PRRG4: variants seen among roughly 807,000 people sequenced by gnomAD.
The protein encoded by PRRG4 is proline rich and Gla domain 4.
Under a neutral mutation model 20.0 loss-of-function variants are expected in PRRG4, and 12 were observed. The ratio of observed to expected loss-of-function variants is 0.60; its 90% CI spans 0.38 to 0.97. PRRG4 has a LOEUF of 0.97. PRRG4 is among the 50% of genes least tolerant of loss of function. PRRG4 has a pLI of 0.00. For missense variants in PRRG4, 199 were observed against 265.1 expected, an observed-to-expected ratio of 0.75 and a Z score of 1.73; for synonymous variants, 94 against 96.4, an observed-to-expected ratio of 0.98 and a Z score of 0.15.
chr11:32,830,289 C>G, intron 1 of PRRG4, 116 bp downstream of exon 1: 1 of 868,272 alleles, frequency 1.2e-6, no homozygotes, highest in Non-Finnish European at 1.5e-6. Flanking sequence ...GACAGGTGCC[C>G]GATCAGCCCT....
intron 5 of PRRG4, among the ~76,000 whole-genome samples, chr11:32,848,697 G>A (rs1851152477): frequency 6.6e-6 from 1 of 151,854 alleles, no homozygotes. Context: ...TTTGGCCAGG[G>A]GTGGTGGCTC....
chr11:32,850,253 CA>C (rs1436603537), intron 5 of PRRG4, among the ~76,000 whole-genome samples: 1 of 152,148 alleles, frequency 6.6e-6, no homozygotes, highest in African/African-American at 2.4e-5. Context: ...CTTCATTTTC[CA>C]ACTTTTCTGC....
chr11:32,846,525 A>G (rs1474966575), intron 5 of PRRG4, among the ~76,000 whole-genome samples: 3 of 152,222 alleles, frequency 2.0e-5, no homozygotes, highest in Non-Finnish European at 4.4e-5. Flanking sequence ...TAAAACAAGC[A>G]TAGTGTCTGC....
intron 3 of PRRG4, among the ~76,000 whole-genome samples, chr11:32,838,614 G>C (rs1851046256): frequency 6.6e-6 from 1 of 152,120 alleles, no homozygotes; most frequent in Non-Finnish European, 1.5e-5. Flanking sequence ...CTTTAGTGGG[G>C]GCTCCAGTCA....
chr11:32,843,277 T>C (rs1429515700), intron 5 of PRRG4, among the ~76,000 whole-genome samples: 1 of 152,120 alleles, frequency 6.6e-6, no homozygotes, highest in East Asian at 1.9e-4. Context: ...TTATCCTGTT[T>C]TTTGCCTACA....
At chr11:32,836,076 C>T (rs1036403009) in intron 2 of PRRG4, among the ~76,000 whole-genome samples, 1 of 151,468 alleles carries the variant, frequency 6.6e-6, no homozygotes, top group Non-Finnish European at 1.5e-5. Context: ...CACTCCAGGC[C>T]CGGTGACAGA....
chr11:32,830,022 G>T lies in PRRG4; in HGVS notation c.-174G>T. On this transcript the variant is annotated 5_prime_UTR_variant, in exon 1 of 6. Coordinates refer to ENST00000257836, the MANE Select transcript of PRRG4 (RefSeq NM_024081.6). The stretch of plus-strand genomic sequence containing the variant: ...AACCCCAGGCCCTTCCCAGGTTTGC[G>T]CGCGGGGGCCATCCAGACCCTGCGG... The T allele has an allele frequency of 1.0e-6, 1 of 985,896 alleles. No individual in the cohort carries two copies. Among genetic ancestry groups the T allele is most frequent in the South Asian group, 4.7e-5 (1 of 21,306 alleles). 61.1% of individuals were successfully genotyped at this position (985,896 alleles called of 1,614,324 possible). A position where few individuals can be genotyped will look rare whatever the true frequency, so the allele number is the denominator to read the frequency against.
chr11:32,843,617 A>T (rs1226617484), intron 5 of PRRG4, among the ~76,000 whole-genome samples: 7 of 152,108 alleles, frequency 4.6e-5, no homozygotes, highest in Non-Finnish European at 7.4e-5. Context: ...GTACATTTTT[A>T]AAAAATAGTA....
At chr11:32,835,041 TA>T (rs1851008564) in intron 2 of PRRG4, among the ~76,000 whole-genome samples, 1 of 152,138 alleles carries the variant, frequency 6.6e-6, no homozygotes, top group Admixed American at 6.5e-5. Flanking sequence ...CTCCAACTCC[TA>T]GGCTCAAGCG....
chr11:32,842,410 T>C (rs1221969454), intron 5 of PRRG4, among the ~76,000 whole-genome samples: 1 of 152,112 alleles, frequency 6.6e-6, no homozygotes, highest in Non-Finnish European at 1.5e-5. Flanking sequence ...GAATTAGAGT[T>C]TTTAAAGTTA....
chr11:32,856,087 T>C lies in PRRG4; in HGVS notation c.*2560T>C, dbSNP rs1173977763. On this transcript the variant is annotated 3_prime_UTR_variant, in exon 6 of 6. Coordinates refer to ENST00000257836, the MANE Select transcript of PRRG4 (RefSeq NM_024081.6). ...CATTTATATATGTACATGTTACATA[T>C]ATTTAGATGTATTCTCATATACATA... 1.3e-5 allele frequency: 2 copies of C among 152,340 alleles called. No individual in the cohort carries two copies. The highest frequency in any genetic ancestry group is 1.9e-4 in the East Asian group (1 of 5,192). The allele number at this position is 152,340 out of a possible 1,614,324, so 9.4% of individuals were successfully genotyped here. A position where few individuals can be genotyped will look rare whatever the true frequency, so the allele number is the denominator to read the frequency against.
At chr11:32,847,828 C>T (rs1230312589) in intron 5 of PRRG4, among the ~76,000 whole-genome samples, 1 of 152,136 alleles carries the variant, frequency 6.6e-6, no homozygotes, top group Non-Finnish European at 1.5e-5. Context: ...CTGATACGTG[C>T]TACAATATGG....
chr11:32,837,022 A>G (rs1851026152), intron 3 of PRRG4, among the ~76,000 whole-genome samples: 1 of 152,222 alleles, frequency 6.6e-6, no homozygotes, highest in Non-Finnish European at 1.5e-5. Context: ...TAGTTAGTAA[A>G]TTATTGACTG....
intron 3 of PRRG4, among the ~76,000 whole-genome samples, chr11:32,837,147 C>A (rs1044092758): frequency 6.6e-6 from 1 of 152,102 alleles, no homozygotes; most frequent in Non-Finnish European, 1.5e-5. Flanking sequence ...TCATTTATGG[C>A]GGAGTGAATT....
Position 32,836,785 on chromosome 11 carries a change from G to A in PRRG4, c.231G>A (p.Glu77=), listed in dbSNP as rs1851023406. The part of the protein sequence containing the change: ...RECNEELCNY[E]EAREIFVDED... Reference sequence around the variant, plus strand: ...GCAATGAAGAACTTTGCAATTATGAGGAAGCCAGAGAGATTTTTGTGGATG... The same window carrying A: ...GCAATGAAGAACTTTGCAATTATGAAGAAGCCAGAGAGATTTTTGTGGATG... The change falls in exon 3 of 6, where the codon GAG becomes GAA. Residue 77 remains glutamate, a synonymous_variant. Coordinates refer to ENST00000257836, the MANE Select transcript of PRRG4 (RefSeq NM_024081.6). 1.2e-6 allele frequency: 2 copies of A among 1,612,610 alleles called. No individual in the cohort carries two copies. The highest frequency in any genetic ancestry group is 2.7e-5 in the African/African-American group (2 of 74,834).
chr11:32,848,118 C>T (rs1017873641), intron 5 of PRRG4, among the ~76,000 whole-genome samples: 1 of 152,152 alleles, frequency 6.6e-6, no homozygotes, highest in Non-Finnish European at 1.5e-5. Flanking sequence ...ATCAAGGGAC[C>T]AGCAGGTTGT....
chr11:32,835,336 A>G (rs967571323), intron 2 of PRRG4, among the ~76,000 whole-genome samples: 3 of 152,218 alleles, frequency 2.0e-5, no homozygotes, highest in Non-Finnish European at 4.4e-5. Context: ...CAGTCTTTCA[A>G]TTGCCTACTT....
In PRRG4 at chr11:32,840,577, T is replaced by C. The variant is rs1851068092; in HGVS notation, c.449+338T>C. On this transcript the variant is annotated intron_variant, in intron 5 of 5. Coordinates refer to ENST00000257836, the MANE Select transcript of PRRG4 (RefSeq NM_024081.6). This position sits in a 1 kb window ranked among gnomAD's most constrained non-coding sequence, Gnocchi z 4.1. ...TGCAGGATCCAGTCAAGTTACCACA[T>C]TGCATTTAGCTGTCATGTCTTCCCA... Among the ~76,000 whole-genome samples the C allele has an allele frequency of 6.6e-6, 1 of 152,214 alleles. No individual in the cohort carries two copies.
At chr11:32,835,665 G>A (rs921989014) in intron 2 of PRRG4, among the ~76,000 whole-genome samples, 12 of 152,158 alleles carry the variant, frequency 7.9e-5, no homozygotes, top group African/African-American at 1.2e-4. Context: ...TACCGTAGAG[G>A]GAGCTGCTAC....
Sources: allele counts gnomAD v4.1 joint callset (sites outside exome capture counted in the v4.1 genomes callset), GRCh38; gene constraint gnomAD v4.1.1; non-coding constraint Gnocchi (gnomAD v3.1); transcripts MANE v1.5; gene names NCBI Gene and HGNC (gene_info 2026-07-23, HGNC 2026-07-21).